Variants in DCDC2 observed in about 807,000 individuals in gnomAD.
DCDC2 encodes doublecortin domain-containing protein 2.
In DCDC2, 40 loss-of-function variants were observed where a neutral mutation model predicts 50.2. That is an observed-to-expected ratio of 0.80 (90% CI 0.62 to 1.04). The LOEUF (loss-of-function observed/expected upper bound fraction) is 1.04, where lower values mean the gene tolerates loss of function less well. Among genes scored for constraint, DCDC2 ranks in the 50% least tolerant of loss-of-function variants. DCDC2 has a pLI of 0.00. For synonymous variants in DCDC2, 234 were observed against 210.6 expected (o/e 1.11, Z -0.96); for missense variants, 570 against 581.9 (o/e 0.98, Z 0.21).
chr6:24,346,819 T>G (rs1450938227), intron 2 of DCDC2, among the ~76,000 whole-genome samples: 2 of 150,924 alleles, frequency 1.3e-5, no homozygotes, highest in Non-Finnish European at 2.9e-5. Context: ...TGGACATCAA[T>G]GAAAGAATTT....
In DCDC2 at chr6:24,173,465, T is replaced by C. The variant is rs1027746506; in HGVS notation, c.*1265A>G. 5.9e-5 allele frequency: 9 copies of C among 152,154 alleles called. No homozygotes were observed. Among genetic ancestry groups the C allele is most frequent in the African/African-American group, 1.4e-4 (6 of 41,450 alleles). 9.4% of individuals were successfully genotyped at this position (152,154 alleles called of 1,614,324 possible). On this transcript the variant is annotated 3_prime_UTR_variant, in exon 10 of 10. Transcript: ENST00000378454. ...AATATATCCTTTAAGAAAAATATAT[T>C]ATTTCTATATTTATGGAAGAACATC...
At chr6:24,353,460 A>G in intron 2 of DCDC2, 109 bp downstream of exon 2, 2 of 687,156 alleles carry the variant, frequency 2.9e-6, no homozygotes, top group East Asian at 2.6e-5. Flanking sequence ...CCATTTCTTT[A>G]CATTAGAGAA....
At chr6:24,370,777 T>C in the DCDC2 span, among the ~76,000 whole-genome samples, 3 of 152,188 alleles carry the variant, frequency 2.0e-5, no homozygotes, top group Non-Finnish European at 4.4e-5. Context: ...AAAAAACATG[T>C]TGACATATGT....
At chr6:24,209,200 T>G (rs953664322) in intron 7 of DCDC2, among the ~76,000 whole-genome samples, 1 of 152,214 alleles carries the variant, frequency 6.6e-6, no homozygotes, top group Non-Finnish European at 1.5e-5. Context: ...CTTGCAAGTA[T>G]AGATTCCATG....
chr6:24,209,211 A>G lies in DCDC2; in HGVS notation c.923-4109T>C, dbSNP rs114431254. ...CCTGCTTGCAAGTATAGATTCCATG[A>G]GAAATTTCCAAAAGTATTACCCTTT... On this transcript the variant is annotated intron_variant, in intron 7 of 9. Coordinates refer to ENST00000378454, the MANE Select transcript of DCDC2 (RefSeq NM_016356.5). Among the ~76,000 whole-genome samples the G allele has an allele frequency of 1.0e-3, 153 of 152,346 alleles. 1 individual carries two copies. The highest frequency in any genetic ancestry group is 3.6e-3 in the African/African-American group (149 of 41,586).
chr6:24,358,682 A>G (rs1360729027), upstream of DCDC2, among the ~76,000 whole-genome samples: 2 of 86,310 alleles, frequency 2.3e-5, no homozygotes, highest in East Asian at 8.0e-4. Context: ...ACCCTGTCTT[A>G]GAAAATAAAA....
At chr6:24,218,157 C>T (rs951865111) in intron 7 of DCDC2, among the ~76,000 whole-genome samples, 1 of 151,922 alleles carries the variant, frequency 6.6e-6, no homozygotes, top group Non-Finnish European at 1.5e-5. Context: ...AATTTAGTGC[C>T]CAATTTGAGA....
chr6:24,223,620 T>C (rs1762162881), intron 7 of DCDC2, among the ~76,000 whole-genome samples: 1 of 152,196 alleles, frequency 6.6e-6, no homozygotes, highest in African/African-American at 2.4e-5. Flanking sequence ...AAATTCTACA[T>C]TAAGTAAACA....
intron 7 of DCDC2, among the ~76,000 whole-genome samples, chr6:24,274,084 T>TTTGA (rs1161344978): frequency 6.6e-6 from 1 of 152,236 alleles, no homozygotes; most frequent in Admixed American, 6.5e-5. Flanking sequence ...CTCTTATTTT[T>TTTGA]GCCTTTTTAA....
chr6:24,368,426 A>G, the DCDC2 span, among the ~76,000 whole-genome samples: 3 of 152,204 alleles, frequency 2.0e-5, no homozygotes, highest in African/African-American at 7.2e-5. Context: ...AAATAGGCAC[A>G]TAACAAAAAA....
intron 2 of DCDC2, among the ~76,000 whole-genome samples, chr6:24,312,291 G>A (rs765265043): frequency 4.6e-5 from 7 of 152,158 alleles, no homozygotes; most frequent in Non-Finnish European, 7.3e-5. Context: ...CACAAAGCCT[G>A]TTTGGTGGTC....
intron 2 of DCDC2, among the ~76,000 whole-genome samples, chr6:24,306,214 C>A (rs1759470470): frequency 6.6e-6 from 1 of 152,016 alleles, no homozygotes; most frequent in Admixed American, 6.6e-5. Context: ...TAATCTGTGA[C>A]TACGAAACCA....
At chr6:24,191,215 T>C (rs928859991) in intron 8 of DCDC2, among the ~76,000 whole-genome samples, 1 of 152,182 alleles carries the variant, frequency 6.6e-6, no homozygotes, top group African/African-American at 2.4e-5. Context: ...TTATCGTATA[T>C]GGAAAAGCAA....
chr6:24,235,996 G>C (rs776326220), intron 7 of DCDC2, among the ~76,000 whole-genome samples: 1 of 152,096 alleles, frequency 6.6e-6, no homozygotes, highest in African/African-American at 2.4e-5. Flanking sequence ...AATTAGAAGA[G>C]CCAATGTCAT....
intron 7 of DCDC2, among the ~76,000 whole-genome samples, chr6:24,231,716 C>T (rs1040256167): frequency 3.3e-5 from 5 of 151,918 alleles, no homozygotes; most frequent in African/African-American, 4.8e-5. Flanking sequence ...AAAAACAGAA[C>T]TGTAATTATT....
chr6:24,210,086 G>GCC (rs1761833054), intron 7 of DCDC2, among the ~76,000 whole-genome samples: 1 of 151,088 alleles, frequency 6.6e-6, no homozygotes, highest in African/African-American at 2.4e-5. Flanking sequence ...CTGCCTGCCT[G>GCC]TCTGTCTTCA....
chr6:24,347,952 A>G (rs1371313544), intron 2 of DCDC2, among the ~76,000 whole-genome samples: 1 of 152,248 alleles, frequency 6.6e-6, no homozygotes. Context: ...AGGAAGATCA[A>G]AACCATGGCA....
intron 2 of DCDC2, among the ~76,000 whole-genome samples, chr6:24,342,403 G>A (rs1760174708): frequency 6.6e-6 from 1 of 152,148 alleles, no homozygotes; most frequent in Admixed American, 6.6e-5. Flanking sequence ...ATCAAGACAG[G>A]AGGTGTCAAT....
chr6:24,322,231 A>AT (rs1231568646), intron 2 of DCDC2, among the ~76,000 whole-genome samples: 3 of 152,166 alleles, frequency 2.0e-5, no homozygotes, highest in Admixed American at 2.0e-4. Context: ...TTAAGCTCTG[A>AT]TTTTTTATCT....
Sources: allele counts gnomAD v4.1 joint callset (sites outside exome capture counted in the v4.1 genomes callset), GRCh38; gene constraint gnomAD v4.1.1; transcripts MANE v1.5; gene names NCBI Gene and HGNC (gene_info 2026-07-23, HGNC 2026-07-21).